CSRNP3: variants seen among roughly 807,000 people sequenced by gnomAD.
The protein encoded by CSRNP3 is cysteine/serine-rich nuclear protein 3.
A neutral mutation model predicts 48.0 loss-of-function variants in CSRNP3; 12 were observed. The observed-to-expected ratio is 0.25, with a 90% CI of 0.16 to 0.41. The LOEUF is 0.41. CSRNP3 is among the 10% of genes least tolerant of loss of function. The pLI, the probability that CSRNP3 is intolerant of heterozygous loss-of-function variation, is 1.00. For synonymous variants in CSRNP3, 263 were observed against 269.7 expected, an observed-to-expected ratio of 0.98 and a Z score of 0.24; for missense variants, 580 against 724.4, an observed-to-expected ratio of 0.80 and a Z score of 2.29.
intron 4 of CSRNP3, among the ~76,000 whole-genome samples, chr2:165,642,344 C>T (rs567794733): frequency 6.6e-6 from 1 of 152,286 alleles, no homozygotes; most frequent in East Asian, 1.9e-4. Flanking sequence ...GGAATAAAAA[C>T]ACTTCATTAA....
intron 2 of CSRNP3, among the ~76,000 whole-genome samples, chr2:165,505,259 A>G (rs772901105): frequency 6.2e-4 from 95 of 152,272 alleles, no homozygotes; most frequent in Middle Eastern, 3.4e-3. Context: ...AGGAAAACCC[A>G]TTTATTTCTG....
rs541033298 is a variant in CSRNP3 at position 165,651,288 on chromosome 2, A to T, written c.149-6473A>T. On this transcript the variant is annotated intron_variant, in intron 4 of 6. Transcript: ENST00000651982. ...AAGAAATAAAATTGACAAGTCAGGC[A>T]GATAATCTGGTAAACTTGAAGATTT... 7.2e-5 allele frequency among the ~76,000 whole-genome samples: 11 copies of T among 152,344 alleles called. No homozygotes were observed. The South Asian group carries it at 2.3e-3, about 32-fold the overall frequency.
intron 4 of CSRNP3, among the ~76,000 whole-genome samples, chr2:165,626,921 T>C (rs924494982): frequency 6.6e-6 from 1 of 152,240 alleles, no homozygotes; most frequent in Non-Finnish European, 1.5e-5. Context: ...CTTTCTGTAG[T>C]TGAACCTCCT....
chr2:165,503,954 A>C (rs1470315734), intron 2 of CSRNP3, among the ~76,000 whole-genome samples: 1 of 151,988 alleles, frequency 6.6e-6, no homozygotes, highest in African/African-American at 2.4e-5. Flanking sequence ...ATGAATGTAA[A>C]GTTGTATCAG....
At chr2:165,520,814 T>TATA (rs1684649072) in intron 3 of CSRNP3, among the ~76,000 whole-genome samples, 1 of 89,136 alleles carries the variant, frequency 1.1e-5, no homozygotes, top group African/African-American at 4.6e-5. Context: ...TATATATATA[T>TATA]ATATATATAT....
intron 4 of CSRNP3, among the ~76,000 whole-genome samples, chr2:165,617,064 T>C (rs182023315): frequency 6.6e-6 from 1 of 152,250 alleles, no homozygotes; most frequent in East Asian, 1.9e-4. Flanking sequence ...TGAATGATTT[T>C]CTAATTTTTT....
At chr2:165,480,026 T>C (rs930425979) in intron 1 of CSRNP3, among the ~76,000 whole-genome samples, 6 of 152,216 alleles carry the variant, frequency 3.9e-5, no homozygotes, top group African/African-American at 1.4e-4. Flanking sequence ...TTCTTGTTTT[T>C]GGCAGAATTC....
chr2:165,672,113 C>A (rs1468498239), intron 5 of CSRNP3, among the ~76,000 whole-genome samples: 1 of 152,194 alleles, frequency 6.6e-6, no homozygotes, highest in Non-Finnish European at 1.5e-5. Context: ...GAGCCCTCTA[C>A]ATCTCTAGGA....
At chr2:165,518,161 G>T (rs1026083453) in intron 3 of CSRNP3, among the ~76,000 whole-genome samples, 200 bp downstream of exon 3, 12 of 151,900 alleles carry the variant, frequency 7.9e-5, no homozygotes, top group Non-Finnish European at 1.3e-4. Flanking sequence ...ATAAAAAGTT[G>T]TCTTAATAGA....
intron 4 of CSRNP3, among the ~76,000 whole-genome samples, chr2:165,648,160 G>A (rs1339971541): frequency 2.0e-5 from 3 of 152,114 alleles, no homozygotes; most frequent in Non-Finnish European, 4.4e-5. Flanking sequence ...GCAAAAGGAA[G>A]ACTGATTGTG....
chr2:165,657,443 T>A (rs1687023463), intron 4 of CSRNP3, among the ~76,000 whole-genome samples: 1 of 152,126 alleles, frequency 6.6e-6, no homozygotes, highest in Non-Finnish European at 1.5e-5. Flanking sequence ...CCTCTAAAGA[T>A]AAGGGGGGAC....
At chr2:165,543,039 T>C (rs990203920) in intron 3 of CSRNP3, among the ~76,000 whole-genome samples, 1 of 152,170 alleles carries the variant, frequency 6.6e-6, no homozygotes, top group Non-Finnish European at 1.5e-5. Context: ...ATATGTCATG[T>C]GGCTGTGTCC....
chr2:165,550,584 C>CA (rs1685083847), intron 3 of CSRNP3, among the ~76,000 whole-genome samples: 2 of 151,946 alleles, frequency 1.3e-5, no homozygotes, highest in African/African-American at 4.8e-5. Context: ...CAGAGCAAAC[C>CA]AAAAAAAGGC....
In CSRNP3 at chr2:165,673,155, T is replaced by TTTTTTC. The variant is rs367832445; in HGVS notation, c.409-3157_409-3156insTTTTTC. On this transcript the variant is annotated intron_variant, in intron 5 of 6. Coordinates refer to ENST00000651982, the MANE Select transcript of CSRNP3 (RefSeq NM_001172173.2). ...TCTTTTTTTTTTTTTTTTTTTTTTTTGAGACAGGGCATCACTCTGTCACTC... is the reference window on the plus strand; with the variant it reads ...TCTTTTTTTTTTTTTTTTTTTTTTTTTTTTTCGAGACAGGGCATCACTCTGTCACTC... Among the ~76,000 whole-genome samples the TTTTTTC allele has an allele frequency of 3.7e-3, 526 of 144,042 alleles. 29 individuals carry two copies. The highest frequency in any genetic ancestry group is 0.013 in the African/African-American group (504 of 37,486). 94.5% of individuals were successfully genotyped at this position (144,042 alleles called of 152,430 possible).
At chr2:165,524,478 A>G (rs1684707142) in intron 3 of CSRNP3, among the ~76,000 whole-genome samples, 1 of 152,196 alleles carries the variant, frequency 6.6e-6, no homozygotes, top group Non-Finnish European at 1.5e-5. Flanking sequence ...AAACTTATAA[A>G]CAGTAAAATT....
intron 4 of CSRNP3, among the ~76,000 whole-genome samples, chr2:165,655,083 T>G (rs1190838721): frequency 2.0e-5 from 3 of 152,084 alleles, no homozygotes; most frequent in Admixed American, 6.6e-5. Flanking sequence ...GGGGGAAAAA[T>G]GAGACAAAGG....
intron 3 of CSRNP3, among the ~76,000 whole-genome samples, chr2:165,570,133 G>A (rs1177595898): frequency 1.3e-5 from 2 of 151,888 alleles, no homozygotes; most frequent in African/African-American, 4.8e-5. Context: ...TGTTCCTGGT[G>A]TGCAGACTTG....
At chr2:165,596,068 C>T (rs1177917338) in intron 4 of CSRNP3, among the ~76,000 whole-genome samples, 1 of 151,884 alleles carries the variant, frequency 6.6e-6, no homozygotes, top group Admixed American at 6.6e-5. Context: ...TGATCCACCA[C>T]CTCAGCCTCC....
At chr2:165,629,593 G>T (rs939033427) in intron 4 of CSRNP3, among the ~76,000 whole-genome samples, 1 of 152,204 alleles carries the variant, frequency 6.6e-6, no homozygotes, top group African/African-American at 2.4e-5. Context: ...AGGTCATTTG[G>T]TTACTTGTTG....
Sources: allele counts gnomAD v4.1 joint callset (sites outside exome capture counted in the v4.1 genomes callset), GRCh38; gene constraint gnomAD v4.1.1; transcripts MANE v1.5; gene names NCBI Gene and HGNC (gene_info 2026-07-23, HGNC 2026-07-21).